The following SSC5D variants were observed in gnomAD, a reference collection of about 807,000 sequenced individuals.
The protein encoded by SSC5D is scavenger receptor cysteine rich family member with 5 domains, also known as soluble scavenger receptor cysteine-rich domain-containing protein SSC5D.
In SSC5D, 106 loss-of-function variants were observed where a neutral mutation model predicts 104.6. The observed-to-expected ratio is 1.01, with a 90% CI of 0.87 to 1.19. SSC5D has a LOEUF of 1.19. SSC5D is among the 50% of genes most tolerant of loss of function. The pLI is 0.00. For synonymous variants in SSC5D, 860 were observed against 883.5 expected, an observed-to-expected ratio of 0.97 and a Z score of 0.47; for missense variants, 1,993 against 2,153.8, an observed-to-expected ratio of 0.93 and a Z score of 1.48.
chr19:55,509,747 T>C (rs1987712521), intron 12 of SSC5D, among the ~76,000 whole-genome samples: 5 of 144,788 alleles, frequency 3.5e-5, no homozygotes, highest in African/African-American at 1.3e-4. Flanking sequence ...TAATCCCAGC[T>C]ACTAGGGAGG....
chr19:55,489,427 C>T lies in SSC5D; in HGVS notation c.126C>T (p.Gly42=). ...RLEVWHGGRW[G]TVCDDGWDLR... ...AGGTCTGGCATGGCGGGCGCTGGGGCACCGTGTGTGATGACGGCTGGGACC... is the reference window on the plus strand; with the variant it reads ...AGGTCTGGCATGGCGGGCGCTGGGGTACCGTGTGTGATGACGGCTGGGACC... The change falls in exon 3 of 14, where the codon GGC becomes GGT. Residue 42 remains glycine (G), a synonymous_variant. Transcript: ENST00000389623. 6.7e-7 allele frequency: 1 copy of T among 1,490,312 alleles called. No individual in the cohort carries two copies. Among genetic ancestry groups the T allele is most frequent in the Non-Finnish European group, 8.9e-7 (1 of 1,127,158 alleles). The allele number at this position is 1,490,312 out of a possible 1,614,324, so 92.3% of individuals were successfully genotyped here.
intron 12 of SSC5D, among the ~76,000 whole-genome samples, chr19:55,512,199 CAA>C (rs56354207): frequency 0.96 from 124,471 of 129,086 alleles, 59,996 homozygotes; most frequent in Non-Finnish European, 0.98. Context: ...GACTTGGTCT[CAA>C]AAAAAAAAAA....
Position 55,500,293 on chromosome 19 carries a change from C to A in SSC5D, c.2183C>A (p.Ser728Tyr), listed in dbSNP as rs1163142506. The part of the protein sequence containing the change: ...TQGPQEMTSE[S>Y]TIKSIPQASL... ...GGCCCCCAAGAAATGACCTCTGAGT[C>A]CACTATCAAGAGTATCCCTCAGGCC... The change falls in exon 10 of 14, where the codon TCC (serine) becomes TAC (tyrosine). Residue 728 changes from serine to tyrosine, a missense_variant. Around this residue, in one of 6 missense-constraint regions of SSC5D, gnomAD observed 1,101 missense variants for 1,085.0 expected, o/e 1.01. Transcript: ENST00000389623. This position sits in a 1 kb window ranked among gnomAD's most constrained non-coding sequence, Gnocchi z 4.6. 14 of 1,551,588 alleles carry A rather than the reference C, an allele frequency of 9.0e-6. No homozygotes were observed. Among genetic ancestry groups the A allele is most frequent in the Non-Finnish European group, 1.1e-5 (13 of 1,146,982 alleles).
intron 1 of SSC5D, among the ~76,000 whole-genome samples, 162 bp downstream of exon 1, chr19:55,488,776 C>T (rs970121451): frequency 1.3e-5 from 1 of 74,622 alleles, no homozygotes; most frequent in African/African-American, 5.2e-5. Flanking sequence ...GCCCAGCCTT[C>T]TGCCAGCCCA....
At chr19:55,515,882 A>G (rs1181572910) in intron 13 of SSC5D, among the ~76,000 whole-genome samples, 2 of 152,320 alleles carry the variant, frequency 1.3e-5, no homozygotes, top group African/African-American at 4.8e-5. Context: ...TGCAGATGTG[A>G]GATTTCATTG....
chr19:55,502,973 T>A (rs1423922479), intron 12 of SSC5D, among the ~76,000 whole-genome samples: 1 of 152,018 alleles, frequency 6.6e-6, no homozygotes, highest in Non-Finnish European at 1.5e-5. Flanking sequence ...GTGCCACCAC[T>A]CCCGGCTAAT....
Position 55,500,806 on chromosome 19 carries a change from T to C in SSC5D, c.2617+2T>C, listed in dbSNP as rs1055927014. 19 of 1,544,654 alleles carry C rather than the reference T, an allele frequency of 1.2e-5. No homozygotes were observed. The highest frequency in any genetic ancestry group is 1.6e-5 in the Non-Finnish European group (18 of 1,142,214). ...AAGACGTGGGGCTCACCTGCACTGGTACCAGGGCATGGCGGCGGTGGTGGG... is the reference window on the plus strand; with the variant it reads ...AAGACGTGGGGCTCACCTGCACTGGCACCAGGGCATGGCGGCGGTGGTGGG... On this transcript the variant is annotated splice_donor_variant, in intron 11 of 13. Coordinates refer to ENST00000389623, the MANE Select transcript of SSC5D (RefSeq NM_001144950.2). LOFTEE classifies it high-confidence loss of function. This position sits in a 1 kb window ranked among gnomAD's most constrained non-coding sequence, Gnocchi z 4.6.
chr19:55,506,621 C>G (rs1381153657), intron 12 of SSC5D, among the ~76,000 whole-genome samples: 2 of 151,940 alleles, frequency 1.3e-5, no homozygotes, highest in South Asian at 4.2e-4. Flanking sequence ...GTCTCGATCT[C>G]CTGACCTCGT....
In SSC5D at chr19:55,518,276, C is replaced by G; in HGVS notation, c.4000C>G (p.Pro1334Ala). The change falls in exon 14 of 14, where the codon CCT becomes GCT. Residue 1334 changes from proline (P) to alanine (A), a missense_variant. This residue lies in a region of SSC5D where 349 missense variants were observed against 397.6 expected (regional missense o/e 0.88). Coordinates refer to ENST00000389623, the MANE Select transcript of SSC5D (RefSeq NM_001144950.2). ...CACAACTCCTGACCCTTCCTCAACC[C>G]CTGTCATCACTACTGTGTCCCTTCC... The part of the protein sequence containing the change: ...HPTTPDPSST[P>A]VITTVSLPTS... The G allele has an allele frequency of 2.0e-6, 3 of 1,507,636 alleles. No homozygotes were observed. Among genetic ancestry groups the G allele is most frequent in the Non-Finnish European group, 2.7e-6 (3 of 1,131,722 alleles). The allele number at this position is 1,507,636 out of a possible 1,614,324, so 93.4% of individuals were successfully genotyped here.
At chr19:55,506,344 A>G (rs1314206577) in intron 12 of SSC5D, among the ~76,000 whole-genome samples, 1 of 143,636 alleles carries the variant, frequency 7.0e-6, no homozygotes, top group African/African-American at 2.7e-5. Context: ...GAGACACTGG[A>G]GATGAGATTG....
chr19:55,490,726 A>G, intron 5 of SSC5D, 46 bp from the exon 6 acceptor site: 2 of 1,442,472 alleles, frequency 1.4e-6, no homozygotes, highest in Non-Finnish European at 9.1e-7. Context: ...GGGTGTTTGA[A>G]TCATTTCTCA....
intron 1 of SSC5D, 106 bp downstream of exon 1, chr19:55,488,720 G>T: frequency 1.0e-6 from 1 of 990,654 alleles, no homozygotes; most frequent in Admixed American, 2.0e-5. Context: ...GGTCGCTGGT[G>T]CTCCTGCATA....
At chr19:55,513,692 A>C (rs1337464937) in intron 13 of SSC5D, among the ~76,000 whole-genome samples, 1 of 152,204 alleles carries the variant, frequency 6.6e-6, no homozygotes, top group Non-Finnish European at 1.5e-5. Flanking sequence ...TCATGGCAGG[A>C]AGTGAGAGGC....
intron 9 of SSC5D, 90 bp downstream of exon 9, chr19:55,498,287 T>C: frequency 7.4e-7 from 1 of 1,355,460 alleles, no homozygotes. Flanking sequence ...ATTGAGTGCT[T>C]CCTAAGCCCC....
chr19:55,505,344 A>C (rs1207791476), intron 12 of SSC5D, among the ~76,000 whole-genome samples: 1 of 151,786 alleles, frequency 6.6e-6, no homozygotes, highest in Non-Finnish European at 1.5e-5. Context: ...AAAGGGTGGG[A>C]GAAATTTGCA....
At chr19:55,508,171 T>G (rs1283322234) in intron 12 of SSC5D, among the ~76,000 whole-genome samples, 1 of 152,020 alleles carries the variant, frequency 6.6e-6, no homozygotes, top group Non-Finnish European at 1.5e-5. Flanking sequence ...GAGATGGAAT[T>G]TGAAGCTGTG....
intron 9 of SSC5D, among the ~76,000 whole-genome samples, chr19:55,499,515 C>A (rs886441170): frequency 2.0e-5 from 3 of 152,084 alleles, no homozygotes; most frequent in Non-Finnish European, 2.9e-5. Context: ...TGACTCAGAG[C>A]AGAAGCTGAG....
At chr19:55,489,101 C>T (rs62128259) in intron 2 of SSC5D, 69 bp downstream of exon 2, 55,562 of 974,020 alleles carry the variant, frequency 0.057, 1,750 homozygotes, top group Non-Finnish European at 0.064. Context: ...CCATCCAGGC[C>T]TGGCCTCACC....
intron 8 of SSC5D, 88 bp downstream of exon 8, chr19:55,494,871 T>G: frequency 7.1e-7 from 1 of 1,401,282 alleles, no homozygotes; most frequent in Non-Finnish European, 9.4e-7. Context: ...GGGGGCCTCT[T>G]GCAAAGAGAA....
Sources: gnomAD v4.1 joint callset for allele counts (sites outside exome capture counted in the v4.1 genomes callset) on GRCh38, gnomAD v4.1.1 for gene constraint, gnomAD v4.1.1 regional missense constraint, Gnocchi (gnomAD v3.1) non-coding constraint, MANE v1.5 for transcripts, NCBI Gene and HGNC (gene_info 2026-07-23, HGNC 2026-07-21) for gene names.